Variants in ATRNL1 observed in about 807,000 individuals in gnomAD.
ATRNL1 encodes the protein attractin-like protein 1.
In ATRNL1, 95 loss-of-function variants were observed where a neutral mutation model predicts 182.7. The ratio of observed to expected loss-of-function variants is 0.52; its 90% confidence interval spans 0.44 to 0.62. The LOEUF is 0.62. Ranked by LOEUF, ATRNL1 falls within the 20% of genes least tolerant of loss-of-function variation. The pLI is 0.00. For missense variants in ATRNL1, 1,471 were observed against 1,679.5 expected, an observed-to-expected ratio of 0.88 and a Z score of 2.17; for synonymous variants, 576 against 568.3, an observed-to-expected ratio of 1.01 and a Z score of -0.19.
intron 27 of ATRNL1, among the ~76,000 whole-genome samples, chr10:115,747,057 A>G (rs1948312833): frequency 1.3e-5 from 2 of 152,146 alleles, no homozygotes; most frequent in Non-Finnish European, 2.9e-5. Context: ...TTCAATTATA[A>G]GGCAGATGAG....
At chr10:115,110,465 C>A (rs983132460) in intron 1 of ATRNL1, among the ~76,000 whole-genome samples, 4 of 152,100 alleles carry the variant, frequency 2.6e-5, no homozygotes, top group Admixed American at 2.0e-4. Context: ...AAAGTTGGGA[C>A]CTCATTCATA....
At chr10:115,375,950 A>G (rs539757365) in intron 19 of ATRNL1, among the ~76,000 whole-genome samples, 2 of 152,254 alleles carry the variant, frequency 1.3e-5, no homozygotes, top group Admixed American at 1.3e-4. Context: ...CATATTTTTA[A>G]TGTTGTTACT....
intron 28 of ATRNL1, among the ~76,000 whole-genome samples, chr10:115,922,016 A>G (rs775770443): frequency 1.3e-5 from 2 of 152,156 alleles, no homozygotes; most frequent in Non-Finnish European, 2.9e-5. Context: ...AGGGTGAAGG[A>G]TAGCTCAGCC....
At chr10:115,115,443 T>C (rs1294304460) in intron 1 of ATRNL1, among the ~76,000 whole-genome samples, 1 of 152,144 alleles carries the variant, frequency 6.6e-6, no homozygotes, top group Non-Finnish European at 1.5e-5. Flanking sequence ...GGGTGATGGG[T>C]ATGTTAATTA....
chr10:115,733,020 G>T (rs1947846111), intron 27 of ATRNL1, among the ~76,000 whole-genome samples: 1 of 152,198 alleles, frequency 6.6e-6, no homozygotes, highest in East Asian at 1.9e-4. Context: ...AATAAACTCA[G>T]CACACAAGCT....
At chr10:115,355,515 C>T (rs1554942577) in intron 19 of ATRNL1, among the ~76,000 whole-genome samples, 1 of 152,072 alleles carries the variant, frequency 6.6e-6, no homozygotes, top group Non-Finnish European at 1.5e-5. Flanking sequence ...CTACCCTGAA[C>T]TGTCTGGAGT....
At chr10:115,664,332 C>G (rs1478167063) in intron 26 of ATRNL1, among the ~76,000 whole-genome samples, 4 of 152,134 alleles carry the variant, frequency 2.6e-5, no homozygotes, top group Admixed American at 2.0e-4. Flanking sequence ...GCAGTAAATC[C>G]TGACACAATT....
At chr10:115,513,357 A>G (rs2133682094) in intron 24 of ATRNL1, among the ~76,000 whole-genome samples, 1 of 152,154 alleles carries the variant, frequency 6.6e-6, no homozygotes, top group Middle Eastern at 3.4e-3. Context: ...CACCCACGTG[A>G]GTAGTAGAAG....
At chr10:115,795,829 C>A (rs1949641070) in intron 27 of ATRNL1, among the ~76,000 whole-genome samples, 1 of 152,192 alleles carries the variant, frequency 6.6e-6, no homozygotes, top group African/African-American at 2.4e-5. Context: ...CCAGGCCCCA[C>A]CTTCAACACT....
At chr10:115,516,827 A>G (rs138229953) in intron 24 of ATRNL1, among the ~76,000 whole-genome samples, 36 of 152,022 alleles carry the variant, frequency 2.4e-4, no homozygotes, top group African/African-American at 7.9e-4. Context: ...AAGCTCATAT[A>G]TCACCCCTTT....
intron 8 of ATRNL1, among the ~76,000 whole-genome samples, chr10:115,194,953 GA>G (rs782281256): frequency 4.8e-4 from 73 of 150,932 alleles, no homozygotes; most frequent in Admixed American, 3.0e-3. Flanking sequence ...ACAAGGAAAA[GA>G]AAAAAAACAA....
chr10:115,683,467 T>G (rs1476324760), intron 26 of ATRNL1, among the ~76,000 whole-genome samples: 1 of 150,444 alleles, frequency 6.6e-6, no homozygotes, highest in Admixed American at 6.7e-5. Context: ...GAAGATCCTC[T>G]TAGATAATGA....
At chr10:115,474,628 T>G (rs1554972744) in intron 24 of ATRNL1, among the ~76,000 whole-genome samples, 1 of 151,198 alleles carries the variant, frequency 6.6e-6, no homozygotes, top group Non-Finnish European at 1.5e-5. Context: ...CTTGGTGGTG[T>G]TAGGACTCTT....
At chr10:115,925,854 G>T (rs1319148206) in intron 28 of ATRNL1, among the ~76,000 whole-genome samples, 1 of 152,122 alleles carries the variant, frequency 6.6e-6, no homozygotes, top group Non-Finnish European at 1.5e-5. Flanking sequence ...ACGGATCAAT[G>T]AGACAGAAAA....
chr10:115,915,346 G>A (rs570858283), intron 28 of ATRNL1, among the ~76,000 whole-genome samples: 90 of 151,772 alleles, frequency 5.9e-4, no homozygotes, highest in Non-Finnish European at 7.8e-4. Context: ...TGCAGTGAGC[G>A]GAGATCGCGC....
chr10:115,236,142 A>G (rs1850169874), intron 9 of ATRNL1, among the ~76,000 whole-genome samples: 1 of 152,116 alleles, frequency 6.6e-6, no homozygotes, highest in Non-Finnish European at 1.5e-5. Flanking sequence ...TACCTTCTGC[A>G]CAAACATTTG....
At chr10:115,893,617 T>C (rs1003243563) in intron 28 of ATRNL1, among the ~76,000 whole-genome samples, 1 of 152,168 alleles carries the variant, frequency 6.6e-6, no homozygotes, top group African/African-American at 2.4e-5. Context: ...ATAAGCACTT[T>C]GGGTGCAGGC....
intron 5 of ATRNL1, among the ~76,000 whole-genome samples, chr10:115,143,568 A>G (rs1208475198): frequency 6.6e-6 from 1 of 152,158 alleles, no homozygotes; most frequent in Non-Finnish European, 1.5e-5. Flanking sequence ...AGTTCTGGAG[A>G]CCAGAAGTCC....
At chr10:115,210,695 T>C (rs1423241270) in intron 8 of ATRNL1, among the ~76,000 whole-genome samples, 1 of 151,976 alleles carries the variant, frequency 6.6e-6, no homozygotes, top group Non-Finnish European at 1.5e-5. Context: ...GAATAATTTT[T>C]AGGATTCCTT....
Sources: gnomAD v4.1 joint callset for allele counts (sites outside exome capture counted in the v4.1 genomes callset) on GRCh38, gnomAD v4.1.1 for gene constraint, MANE v1.5 for transcripts, NCBI Gene and HGNC (gene_info 2026-07-23, HGNC 2026-07-21) for gene names.